The following UTRN variants were observed in gnomAD, a reference collection of about 807,000 sequenced individuals.
UTRN encodes dystrophin-related protein 1.
A neutral mutation model predicts 463.9 loss-of-function variants in UTRN; 283 were observed. That is an observed-to-expected ratio of 0.61 (90% CI 0.55 to 0.67). UTRN has a LOEUF of 0.67. UTRN is among the 30% of genes least tolerant of loss of function. The pLI is 0.00. For synonymous variants in UTRN, 1,442 were observed against 1,431.5 expected (o/e 1.01, Z -0.17); for missense variants, 3,922 against 4,084.3 (o/e 0.96, Z 1.08).
chr6:144,607,552 G>C (rs906077983), intron 51 of UTRN, among the ~76,000 whole-genome samples: 4 of 152,088 alleles, frequency 2.6e-5, no homozygotes, highest in African/African-American at 4.8e-5. Flanking sequence ...TTTGCAAAAA[G>C]GACCATAGGT....
At chr6:144,333,438 A>G (rs1357001232) in intron 2 of UTRN, 1 of 152,188 alleles carries the variant, frequency 6.6e-6, no homozygotes, top group Non-Finnish European at 1.5e-5. Context: ...CATTTTCCAT[A>G]ACATATTATG....
intron 2 of UTRN, among the ~76,000 whole-genome samples, chr6:144,390,512 A>C (rs1274493403): frequency 1.3e-5 from 2 of 152,162 alleles, no homozygotes; most frequent in Non-Finnish European, 2.9e-5. Flanking sequence ...TGTGGCCTTC[A>C]AAGTCCTCTG....
At chr6:144,529,228 G>T (rs575791459) in intron 41 of UTRN, among the ~76,000 whole-genome samples, 13 of 152,346 alleles carry the variant, frequency 8.5e-5, no homozygotes, top group African/African-American at 3.1e-4. Context: ...TGGTGAGCAG[G>T]GTTGAGAACT....
At chr6:144,697,303 G>A (rs1784119008) in intron 52 of UTRN, among the ~76,000 whole-genome samples, 1 of 152,146 alleles carries the variant, frequency 6.6e-6, no homozygotes, top group Admixed American at 6.5e-5. Flanking sequence ...AATGTTTTAT[G>A]TGAAGATTTT....
rs11400052 is a variant in UTRN, at chr6:144,657,250, C to CAA, written c.7480-21134_7480-21133dup. 9.8e-3 allele frequency among the ~76,000 whole-genome samples: 638 copies of CAA among 65,064 alleles called. 2 individuals are homozygous for CAA. Among genetic ancestry groups the CAA allele is most frequent in the Non-Finnish European group, 0.012 (340 of 28,988 alleles). 42.7% of individuals were successfully genotyped at this position (65,064 alleles called of 152,430 possible). On this transcript the variant is annotated intron_variant, in intron 51 of 74. Coordinates refer to ENST00000367545, the MANE Select transcript of UTRN (RefSeq NM_007124.3). Reference sequence around the variant, plus strand: ...GGGCAACAAGAGCGAAACTCCATCTCAAAAAAAAAAAAAAAAAAAAAAAGA... The same window carrying CAA: ...GGGCAACAAGAGCGAAACTCCATCTCAAAAAAAAAAAAAAAAAAAAAAAAAGA...
At chr6:144,777,800 T>G (rs987530073) in intron 60 of UTRN, among the ~76,000 whole-genome samples, 3 of 152,168 alleles carry the variant, frequency 2.0e-5, no homozygotes, top group African/African-American at 7.2e-5. Context: ...GGCAGTTAAT[T>G]GGGGATAAGA....
In UTRN at chr6:144,424,142, T is replaced by C. The variant is rs530845432; in HGVS notation, c.405+64T>C. ...AATGTGTTGTTTGTCTTTTAGTTTC[T>C]TAAGGCTGCCGTAACCAAGTACCAC... On this transcript the variant is annotated intron_variant, in intron 6 of 74. Transcript: ENST00000367545. The C allele has an allele frequency of 5.8e-5, 91 of 1,558,272 alleles. No homozygotes were observed. In the African/African-American group the frequency reaches 1.2e-3, roughly 20 times the overall value.
At chr6:144,545,278 C>G (rs1798302335) in intron 46 of UTRN, among the ~76,000 whole-genome samples, 1 of 152,208 alleles carries the variant, frequency 6.6e-6, no homozygotes, top group African/African-American at 2.4e-5. Flanking sequence ...ACCTATTCCT[C>G]TGATAGCAGA....
At chr6:144,495,073 C>T (rs1311080490) in intron 33 of UTRN, among the ~76,000 whole-genome samples, 1 of 152,260 alleles carries the variant, frequency 6.6e-6, no homozygotes, top group Non-Finnish European at 1.5e-5. Context: ...ACCCAGGAGT[C>T]CAGCTGGCTT....
intron 51 of UTRN, among the ~76,000 whole-genome samples, chr6:144,593,135 C>A (rs985219747): frequency 1.3e-5 from 2 of 152,134 alleles, no homozygotes; most frequent in African/African-American, 4.8e-5. Flanking sequence ...AAACTTGTTA[C>A]CAGAATGCAA....
intron 65 of UTRN, among the ~76,000 whole-genome samples, chr6:144,811,290 C>G (rs1778587482): frequency 6.6e-6 from 1 of 152,128 alleles, no homozygotes; most frequent in Non-Finnish European, 1.5e-5. Context: ...CTGATTCATT[C>G]TTTGGAAAGC....
At chr6:144,296,747 A>G (rs1804747251) in intron 2 of UTRN, among the ~76,000 whole-genome samples, 1 of 152,068 alleles carries the variant, frequency 6.6e-6, no homozygotes, top group African/African-American at 2.4e-5. Flanking sequence ...CACTGTATTA[A>G]TTGTATTTAT....
At chr6:144,404,511 C>T (rs922921679) in intron 3 of UTRN, among the ~76,000 whole-genome samples, 7 of 152,154 alleles carry the variant, frequency 4.6e-5, no homozygotes, top group South Asian at 2.1e-4. Context: ...TATGATTGCT[C>T]ATAAAAGTAA....
intron 25 of UTRN, 86 bp from the exon 26 acceptor site, chr6:144,479,726 A>T: frequency 6.8e-7 from 1 of 1,465,590 alleles, no homozygotes; most frequent in Non-Finnish European, 9.2e-7. Flanking sequence ...GAAAGTTATT[A>T]CTGTGCCTTT....
intron 51 of UTRN, among the ~76,000 whole-genome samples, chr6:144,580,002 G>T (rs193239219): frequency 3.1e-4 from 47 of 152,260 alleles, no homozygotes; most frequent in African/African-American, 1.1e-3. Context: ...CTTATAGATA[G>T]AAGATTGTTA....
chr6:144,421,813 C>A (rs1265762955), intron 3 of UTRN, 65 bp from the exon 4 acceptor site: 6 of 1,244,812 alleles, frequency 4.8e-6, no homozygotes, highest in Non-Finnish European at 6.6e-6. Flanking sequence ...ATTTATTTGC[C>A]CAGGTATATA....
intron 53 of UTRN, among the ~76,000 whole-genome samples, chr6:144,711,848 C>T (rs1404990653): frequency 6.6e-6 from 1 of 152,186 alleles, no homozygotes; most frequent in African/African-American, 2.4e-5. Context: ...TTATATAAGA[C>T]TCAGAACATA....
intron 58 of UTRN, among the ~76,000 whole-genome samples, chr6:144,766,110 G>GAC (rs749066438): frequency 9.9e-5 from 15 of 151,264 alleles, no homozygotes; most frequent in Admixed American, 3.3e-4. Flanking sequence ...TTTCCACACA[G>GAC]ACACACACAC....
intron 50 of UTRN, among the ~76,000 whole-genome samples, chr6:144,573,626 G>A (rs1174578710): frequency 6.6e-6 from 1 of 152,038 alleles, no homozygotes; most frequent in African/African-American, 2.4e-5. Context: ...AACTTGGGAG[G>A]TAGAGGTTAC....
Sources: allele counts gnomAD v4.1 joint callset (sites outside exome capture counted in the v4.1 genomes callset), GRCh38; gene constraint gnomAD v4.1.1; transcripts MANE v1.5; gene names NCBI Gene and HGNC (gene_info 2026-07-23, HGNC 2026-07-21).